The following SEC31A variants were observed in gnomAD, a reference collection of about 807,000 sequenced individuals.
SEC31A encodes protein transport protein Sec31A.
A neutral mutation model predicts 151.0 loss-of-function variants in SEC31A; 70 were observed. That is an observed-to-expected ratio of 0.46 (90% CI 0.38 to 0.57). SEC31A has a LOEUF of 0.57. SEC31A is among the 20% of genes least tolerant of loss of function. The pLI, the probability that SEC31A is intolerant of heterozygous loss-of-function variation, is 0.00. For missense variants in SEC31A, 1,330 were observed against 1,471.2 expected, an observed-to-expected ratio of 0.90 and a Z score of 1.57; for synonymous variants, 475 against 505.9, an observed-to-expected ratio of 0.94 and a Z score of 0.82.
chr4:82,881,588 GT>G lies in SEC31A; in HGVS notation c.79+269del, dbSNP rs553947688. Among the ~76,000 whole-genome samples, 5 of 151,882 alleles carry G rather than the reference GT, an allele frequency of 3.3e-5. No individual in the cohort carries two copies. In the East Asian group the frequency reaches 5.8e-4, roughly 18 times the overall value. On this transcript the variant is annotated intron_variant, in intron 2 of 26. Coordinates refer to ENST00000395310, the MANE Select transcript of SEC31A (RefSeq NM_001077207.4). The stretch of plus-strand genomic sequence containing the variant: ...TCATTCATTCAAACTGATATTAACT[GT>G]TTTTTTTACATGCCATCTATTGTGC...
At chr4:82,858,005 C>G (rs1733072659) in intron 14 of SEC31A, 2 of 331,906 alleles carry the variant, frequency 6.0e-6, no homozygotes, top group Non-Finnish European at 1.1e-5. Flanking sequence ...AGGCTGGGCA[C>G]AGTGGCTCAC....
Position 82,848,875 on chromosome 4 carries a change from T to C in SEC31A, c.2431A>G (p.Lys811Glu). The change falls in exon 20 of 27, where the codon AAG becomes GAG. Residue 811 changes from lysine (K) to glutamate (E), a missense_variant. By Grantham distance (56) the Lys-to-Glu change is moderately conservative. Transcript: ENST00000395310. ...CCAGCAACTGGTCCAGGCCTGCCCT[T>C]GGGGAGCTGCTGTTTCTCGTACGGA... ...KIPYEKQQLPKGRPGPVAGHH... is the reference protein window; with the variant it reads ...KIPYEKQQLPEGRPGPVAGHH... The C allele has an allele frequency of 6.2e-7, 1 of 1,614,136 alleles. No individual in the cohort carries two copies. Among genetic ancestry groups the C allele is most frequent in the South Asian group, 1.1e-5 (1 of 91,080 alleles).
chr4:82,845,237 G>A, intron 20 of SEC31A: 1 of 1,534,858 alleles, frequency 6.5e-7, no homozygotes, highest in Non-Finnish European at 8.7e-7. Flanking sequence ...GTGGATGGCT[G>A]GGAAGGGCAG....
At chr4:82,865,480 C>T (rs1183849552) in intron 10 of SEC31A, among the ~76,000 whole-genome samples, 16 of 145,814 alleles carry the variant, frequency 1.1e-4, no homozygotes, top group Non-Finnish European at 1.3e-4. Flanking sequence ...TTCACAATAG[C>T]CAAAAGGTGG....
intron 3 of SEC31A, among the ~76,000 whole-genome samples, chr4:82,880,275 G>A (rs10857214): frequency 0.74 from 112,794 of 152,056 alleles, 42,210 homozygotes; most frequent in Admixed American, 0.79. Flanking sequence ...TACCTTACAT[G>A]TAACAGCAAT....
chr4:82,862,619 G>T, intron 12 of SEC31A, 47 bp from the exon 13 acceptor site: 1 of 1,538,624 alleles, frequency 6.5e-7, no homozygotes, highest in East Asian at 2.2e-5. Flanking sequence ...TTCTATTTCA[G>T]AGCATCCAGC....
chr4:82,852,953 T>G (rs1441573024), intron 18 of SEC31A, among the ~76,000 whole-genome samples: 4 of 152,192 alleles, frequency 2.6e-5, no homozygotes, highest in African/African-American at 4.8e-5. Flanking sequence ...ATCCGTTGCA[T>G]GCACAGCCCA....
chr4:82,850,191 G>A (rs745617526), intron 19 of SEC31A, among the ~76,000 whole-genome samples: 1 of 151,552 alleles, frequency 6.6e-6, no homozygotes, highest in Non-Finnish European at 1.5e-5. Context: ...AATTAAGCTA[G>A]ATGAGCTACG....
chr4:82,892,270 ATTTG>A (rs1394266453), upstream of SEC31A, among the ~76,000 whole-genome samples: 2 of 152,202 alleles, frequency 1.3e-5, no homozygotes, highest in African/African-American at 2.4e-5. Context: ...ACTGATTGGG[ATTTG>A]TTTTTGATTA....
At chr4:82,865,581 T>G (rs866579402) in intron 10 of SEC31A, among the ~76,000 whole-genome samples, 2 of 96,498 alleles carry the variant, frequency 2.1e-5, no homozygotes, top group African/African-American at 6.8e-5. Context: ...TATATATATA[T>G]ATACAATGCA....
At chr4:82,875,239 T>C (rs936496995) in intron 5 of SEC31A, among the ~76,000 whole-genome samples, 3 of 152,196 alleles carry the variant, frequency 2.0e-5, no homozygotes, top group African/African-American at 7.2e-5. Flanking sequence ...GGATAGCCTA[T>C]ACAACATAAA....
At chr4:82,833,200 A>G (rs1190473468) in intron 22 of SEC31A, among the ~76,000 whole-genome samples, 1 of 152,258 alleles carries the variant, frequency 6.6e-6, no homozygotes, top group African/African-American at 2.4e-5. Context: ...TGTGGCACAT[A>G]TACACCATGG....
rs1365799120 is a variant in SEC31A, at chr4:82,848,968, T to A, written c.2338A>T (p.Met780Leu). The change falls in exon 20 of 27, where the codon ATG becomes TTG. Residue 780 changes from methionine to leucine, a missense_variant. Coordinates refer to ENST00000395310, the MANE Select transcript of SEC31A (RefSeq NM_001077207.4). ...LPDNTNQPNI[M>L]QLRDRLCRAQ... ...CTACAAAGTCTGTCACGAAGCTGCA[T>A]GATATTTGGCTAAAAAGGATTGGAA... The A allele has an allele frequency of 6.2e-7, 1 of 1,612,986 alleles. No homozygotes were observed. Among genetic ancestry groups the A allele is most frequent in the Admixed American group, 1.7e-5 (1 of 59,744 alleles).
intron 21 of SEC31A, among the ~76,000 whole-genome samples, chr4:82,843,354 G>T (rs746118511): frequency 6.6e-6 from 1 of 151,958 alleles, no homozygotes; most frequent in Non-Finnish European, 1.5e-5. Context: ...CCCAGGCTGG[G>T]GTCAAACTCT....
intron 25 of SEC31A, 35 bp from the exon 26 acceptor site, chr4:82,821,143 C>T: frequency 1.9e-6 from 3 of 1,542,506 alleles, no homozygotes; most frequent in Non-Finnish European, 1.8e-6. Flanking sequence ...TATATTTGAA[C>T]ATTAACTTTT....
At chr4:82,841,598 G>A (rs1159031955) in intron 22 of SEC31A, among the ~76,000 whole-genome samples, 7 of 144,816 alleles carry the variant, frequency 4.8e-5, no homozygotes, top group African/African-American at 1.3e-4. Flanking sequence ...CCGAGATCAC[G>A]CCACTGCACT....
chr4:82,852,345 G>A (rs755811491), intron 18 of SEC31A, among the ~76,000 whole-genome samples: 2 of 152,122 alleles, frequency 1.3e-5, no homozygotes, highest in Non-Finnish European at 2.9e-5. Flanking sequence ...TATAAAAATA[G>A]TACTACTATG....
chr4:82,836,294 A>G (rs1379985797), intron 22 of SEC31A, among the ~76,000 whole-genome samples: 1 of 144,656 alleles, frequency 6.9e-6, no homozygotes, highest in Non-Finnish European at 1.5e-5. Flanking sequence ...AATTGCTTGA[A>G]CCCAGGAGGC....
In SEC31A at chr4:82,826,726, A is replaced by G. The variant is rs182214522; in HGVS notation, c.3291+643T>C. On this transcript the variant is annotated intron_variant, in intron 24 of 26. Coordinates refer to ENST00000395310, the MANE Select transcript of SEC31A (RefSeq NM_001077207.4). Reference sequence around the variant, plus strand: ...TACAGTCTTTACAAATTTGACTTCAATGAATCAAAGACAGAAACAGACAGT... The same window carrying G: ...TACAGTCTTTACAAATTTGACTTCAGTGAATCAAAGACAGAAACAGACAGT... Among the ~76,000 whole-genome samples the G allele has an allele frequency of 4.2e-3, 645 of 152,364 alleles. 13 individuals carry two copies. The highest frequency in any genetic ancestry group is 0.015 in the African/African-American group (622 of 41,596).
Sources: allele counts gnomAD v4.1 joint callset (sites outside exome capture counted in the v4.1 genomes callset), GRCh38; gene constraint gnomAD v4.1.1; transcripts MANE v1.5; gene names NCBI Gene and HGNC (gene_info 2026-07-23, HGNC 2026-07-21).